ASIC2: variants seen among roughly 807,000 people sequenced by gnomAD.
ASIC2 encodes acid sensing ion channel subunit 2.
Under a neutral mutation model 57.3 loss-of-function variants are expected in ASIC2, and 25 were observed. That is an observed-to-expected ratio of 0.44 (90% CI 0.32 to 0.61). The LOEUF (loss-of-function observed/expected upper bound fraction) is 0.61. Among genes scored for constraint, ASIC2 ranks in the 20% least tolerant of loss-of-function variants. The pLI, the probability that ASIC2 is intolerant of heterozygous loss-of-function variation, is 0.06. For missense variants in ASIC2, 641 were observed against 738.1 expected (o/e 0.87, Z 1.52); for synonymous variants, 319 against 307.5 (o/e 1.04, Z -0.39).
At chr17:33,313,556 G>T (rs1906520712) in intron 1 of ASIC2, among the ~76,000 whole-genome samples, 2 of 150,330 alleles carry the variant, frequency 1.3e-5, no homozygotes, top group African/African-American at 4.8e-5. Context: ...ACAGGAATGT[G>T]GACTTTATCA....
At chr17:33,520,938 C>G (rs549361846) in intron 1 of ASIC2, among the ~76,000 whole-genome samples, 2 of 152,188 alleles carry the variant, frequency 1.3e-5, no homozygotes, top group Admixed American at 1.3e-4. Flanking sequence ...TGTGTGGGTG[C>G]TGGAATCATG....
chr17:34,085,107 G>A (rs546803256), intron 1 of ASIC2, among the ~76,000 whole-genome samples: 24 of 152,254 alleles, frequency 1.6e-4, no homozygotes, highest in African/African-American at 4.3e-4. Context: ...GGGCATCCCC[G>A]TCTTGTGCCA....
chr17:33,944,947 C>A (rs11868730), intron 1 of ASIC2, among the ~76,000 whole-genome samples: 11 of 152,040 alleles, frequency 7.2e-5, no homozygotes, highest in Middle Eastern at 3.4e-3. Context: ...CATTGGTTCC[C>A]CAATAGAAAA....
At chr17:33,201,613 G>A (rs1000762826) in intron 1 of ASIC2, among the ~76,000 whole-genome samples, 3 of 152,190 alleles carry the variant, frequency 2.0e-5, no homozygotes, top group African/African-American at 7.2e-5. Context: ...ATTAAAATGA[G>A]TATAAACATG....
chr17:33,944,526 G>A (rs1360250037), intron 1 of ASIC2, among the ~76,000 whole-genome samples: 1 of 152,218 alleles, frequency 6.6e-6, no homozygotes, highest in Non-Finnish European at 1.5e-5. Flanking sequence ...AGGCAGTCGA[G>A]TAGGGCTGGA....
At chr17:33,562,871 A>G (rs548330451) in intron 1 of ASIC2, among the ~76,000 whole-genome samples, 2 of 152,320 alleles carry the variant, frequency 1.3e-5, no homozygotes, top group Admixed American at 1.3e-4. Flanking sequence ...CACTCAGACC[A>G]CAGGATAAAC....
chr17:33,472,022 T>C (rs1219344439), intron 1 of ASIC2, among the ~76,000 whole-genome samples: 2 of 5,954 alleles, frequency 3.4e-4, no homozygotes, highest in Non-Finnish European at 7.5e-4. Context: ...GGACTTTTCT[T>C]TTTTTTTTTT....
intron 1 of ASIC2, among the ~76,000 whole-genome samples, chr17:33,135,160 C>T (rs745904816): frequency 2.0e-5 from 3 of 152,174 alleles, no homozygotes; most frequent in Non-Finnish European, 4.4e-5. Flanking sequence ...CTGCTGCCCT[C>T]ATGAACGTCC....
rs1914111350 is a variant in ASIC2 at position 33,501,915 on chromosome 17, G to A, written c.556-389848C>T. ...GGGCAGGAGTGGAGAGCAGGGAGGA[G>A]GCTTGGAGGCCTTAGAGGGCCAGTG... On this transcript the variant is annotated intron_variant, in intron 1 of 9. Transcript: ENST00000359872. 2.6e-5 allele frequency among the ~76,000 whole-genome samples: 4 copies of A among 152,194 alleles called. No individual in the cohort carries two copies. The South Asian group carries it at 8.3e-4, about 31-fold the overall frequency.
chr17:33,718,132 G>T (rs533517199), intron 1 of ASIC2, among the ~76,000 whole-genome samples: 1 of 152,046 alleles, frequency 6.6e-6, no homozygotes, highest in Non-Finnish European at 1.5e-5. Context: ...TATAGGATTC[G>T]CACATAACCT....
chr17:33,296,084 C>A (rs1267662722), upstream of ASIC2, among the ~76,000 whole-genome samples: 1 of 152,084 alleles, frequency 6.6e-6, no homozygotes, highest in African/African-American at 2.4e-5. Flanking sequence ...CATCATACTT[C>A]CTTACAAAAT....
chr17:34,098,156 G>A (rs1004909454), intron 1 of ASIC2, among the ~76,000 whole-genome samples: 2 of 152,166 alleles, frequency 1.3e-5, no homozygotes, highest in Non-Finnish European at 2.9e-5. Flanking sequence ...GTCCAGCGAG[G>A]GAGAAAGATA....
intron 1 of ASIC2, among the ~76,000 whole-genome samples, chr17:33,643,275 A>G (rs373236627): frequency 1.3e-5 from 2 of 152,158 alleles, no homozygotes; most frequent in African/African-American, 4.8e-5. Flanking sequence ...CCAATAAATG[A>G]TGACTGTGAT....
rs1475791144 is a variant in ASIC2 at position 33,021,317 on chromosome 17, A to G, written c.1350-7T>C. Reference sequence around the variant, plus strand: ...CAGAACAAGGATGTTCTCTCTGCAGAGAGAATAGTCAGTACCATACATGGT... The same window carrying G: ...CAGAACAAGGATGTTCTCTCTGCAGGGAGAATAGTCAGTACCATACATGGT... On this transcript the variant is annotated splice_polypyrimidine_tract_variant and splice_region_variant and intron_variant, in intron 6 of 9. Transcript: ENST00000225823. 1.3e-6 allele frequency: 2 copies of G among 1,598,826 alleles called. No homozygotes were observed. Among genetic ancestry groups the G allele is most frequent in the Non-Finnish European group, 1.7e-6 (2 of 1,169,146 alleles).
At position 33,819,566 on chromosome 17, in the gene ASIC2, C is replaced by T. The variant is rs528302829; in HGVS notation, c.555+336412G>A. Among the ~76,000 whole-genome samples the T allele has an allele frequency of 3.0e-4, 46 of 152,318 alleles. No homozygotes were observed. In the South Asian group the frequency reaches 6.4e-3, roughly 21 times the overall value. On this transcript the variant is annotated intron_variant, in intron 1 of 9. Coordinates refer to the ASIC2 transcript ENST00000359872. ...ACTCTAGAATTAAGTCTTCTTTTAA[C>T]GTGGCCATAACAATGACAGGTGGAG... is the stretch of plus-strand genomic sequence containing the variant.
chr17:33,202,536 CCAT>C (rs1906911640), intron 1 of ASIC2, among the ~76,000 whole-genome samples: 1 of 152,112 alleles, frequency 6.6e-6, no homozygotes, highest in Non-Finnish European at 1.5e-5. Flanking sequence ...CCGTGGGGGT[CCAT>C]CAAGGGGTGC....
At chr17:33,036,542 C>T (rs747298015) in intron 3 of ASIC2, among the ~76,000 whole-genome samples, 9 of 152,108 alleles carry the variant, frequency 5.9e-5, no homozygotes, top group South Asian at 2.1e-4. Flanking sequence ...GCGATCTTCC[C>T]GCCTCAGCCT....
intron 1 of ASIC2, among the ~76,000 whole-genome samples, chr17:33,209,031 A>G (rs1907172998): frequency 6.6e-6 from 1 of 152,164 alleles, no homozygotes; most frequent in African/African-American, 2.4e-5. Context: ...TATTTGGATC[A>G]GCTGCTTGTC....
At chr17:34,109,929 CGTGTGTGTGTGTGTTT>C (rs1911207720) in intron 1 of ASIC2, among the ~76,000 whole-genome samples, 1 of 150,456 alleles carries the variant, frequency 6.6e-6, no homozygotes, top group African/African-American at 2.4e-5. Flanking sequence ...TAGGTATATG[CGTGTGTGTGTGTGTTT>C]GTGTGTGTGT....
Sources: allele counts gnomAD v4.1 joint callset (sites outside exome capture counted in the v4.1 genomes callset), GRCh38; gene constraint gnomAD v4.1.1; transcripts MANE v1.5; gene names NCBI Gene and HGNC (gene_info 2026-07-23, HGNC 2026-07-21).